The following TRIM36 variants were observed in gnomAD, a reference collection of about 807,000 sequenced individuals.
TRIM36 encodes the protein E3 ubiquitin-protein ligase TRIM36.
Under a neutral mutation model 72.4 loss-of-function variants are expected in TRIM36, and 42 were observed. That is an observed-to-expected ratio of 0.58 (90% CI 0.45 to 0.75). The LOEUF is 0.75. TRIM36 is among the 30% of genes least tolerant of loss of function. The pLI is 0.00. For missense variants in TRIM36, 913 were observed against 857.1 expected (o/e 1.07, Z -0.81); for synonymous variants, 315 against 282.8 (o/e 1.11, Z -1.14).
chr5:115,138,163 G>A lies in TRIM36; in HGVS notation c.832-547C>T, dbSNP rs1407356384. On this transcript the variant is annotated intron_variant, in intron 5 of 9. Coordinates refer to ENST00000513154, the MANE Select transcript of TRIM36 (RefSeq NM_001300759.2). ...CGCACAGACTGGAGTGCAGTGGTGC[G>A]ATCTTGGCTCACTGTAACCTCCGCC... is the stretch of plus-strand genomic sequence containing the variant. Among the ~76,000 whole-genome samples the A allele has an allele frequency of 3.9e-5, 6 of 152,126 alleles. No homozygotes were observed. In the East Asian group the frequency reaches 9.6e-4, roughly 24 times the overall value.
intron 2 of TRIM36, among the ~76,000 whole-genome samples, chr5:115,157,146 T>TAAA (rs757876573): frequency 2.4e-5 from 3 of 126,732 alleles, no homozygotes; most frequent in South Asian, 2.5e-4. Flanking sequence ...ATGGCCATAA[T>TAAA]AAAAAAAAAA....
rs1753027004 is a variant in TRIM36, at chr5:115,137,509, C to T, written c.939G>A (p.Lys313=). The T allele has an allele frequency of 6.2e-7, 1 of 1,613,984 alleles. No individual in the cohort carries two copies. Among genetic ancestry groups the T allele is most frequent in the South Asian group, 1.1e-5 (1 of 91,090 alleles). The change falls in exon 6 of 10, where the codon AAG becomes AAA. Residue 313 remains lysine (K), a synonymous_variant. Transcript: ENST00000513154. The stretch of plus-strand genomic sequence containing the variant: ...TCTGAAATTTGTCTAATCTTAGTTT[C>T]TTAGAGGAGTCAATTGCTTTCAAAA... ...SSVLKAIDSS[K]KLRLDKFQTQ...
intron 6 of TRIM36, 68 bp from the exon 7 acceptor site, chr5:115,137,192 T>C (rs376954541): frequency 8.7e-6 from 13 of 1,501,214 alleles, no homozygotes; most frequent in African/African-American, 8.5e-5. Context: ...ATCTGCAACA[T>C]GATTAACAAA....
chr5:115,147,086 T>C lies in TRIM36; in HGVS notation c.571A>G (p.Thr191Ala), dbSNP rs1457487142. The C allele has an allele frequency of 3.1e-6, 5 of 1,612,396 alleles. No homozygotes were observed. Among genetic ancestry groups the C allele is most frequent in the South Asian group, 1.1e-5 (1 of 90,948 alleles). The change falls in exon 3 of 10, where the codon ACT (threonine) becomes GCT (alanine). Residue 191 changes from threonine to alanine, a missense_variant. Physicochemically the swap from Thr to Ala is moderately conservative, Grantham distance 58. Transcript: ENST00000513154. The stretch of plus-strand genomic sequence containing the variant: ...TCACTTACCTTGGGTCTGAAGTTAG[T>C]AGTTGGACCAACATACTCATGTTGA... The part of the protein sequence containing the change: ...KAQHEYVGPT[T>A]NFRPKILMCP...
intron 8 of TRIM36, 87 bp downstream of exon 8, chr5:115,133,773 G>T: frequency 7.4e-7 from 1 of 1,355,830 alleles, no homozygotes; most frequent in South Asian, 1.6e-5. Flanking sequence ...TTCAGTGCAG[G>T]TCTACATGGA....
At chr5:115,173,806 A>G (rs1191488645), upstream of TRIM36, among the ~76,000 whole-genome samples, 1 of 152,158 alleles carries the variant, frequency 6.6e-6, no homozygotes, top group Admixed American at 6.5e-5. Flanking sequence ...AGTTTATTTT[A>G]AAATCTGGGT....
chr5:115,177,612 A>T, intron 1 of TRIM36: 1 of 1,503,262 alleles, frequency 6.7e-7, no homozygotes, highest in Non-Finnish European at 8.9e-7. Context: ...TAAATGGGCT[A>T]GTGCTGGGGC....
rs1561454513 is a variant in TRIM36, at chr5:115,177,885, GAGAC to G, written c.63+2086_63+2089del. ...CCATTGCTGAAGCCTAGTGAAGAGA[GAGAC>G]AGAGAGAGAGAGAGCAGAGAAATCC... On this transcript the variant is annotated intron_variant, in intron 1 of 9. Coordinates refer to the TRIM36 transcript ENST00000282369. 3 of 1,613,470 alleles carry G rather than the reference GAGAC, an allele frequency of 1.9e-6. No homozygotes were observed. In the South Asian group the frequency reaches 3.3e-5, roughly 18 times the overall value.
In TRIM36 at chr5:115,125,659, T is replaced by C. The variant is rs1752331578; in HGVS notation, c.*844A>G. 1 of 152,112 alleles carries C rather than the reference T, an allele frequency of 6.6e-6. No homozygotes were observed. The highest frequency in any genetic ancestry group is 1.5e-5 in the Non-Finnish European group (1 of 67,966). 9.4% of individuals were successfully genotyped at this position (152,112 alleles called of 1,614,324 possible). A position where few individuals can be genotyped will look rare whatever the true frequency, so the allele number is the denominator to read the frequency against. ...AAATATGACTTTTAATATCAGTCCA[T>C]CTTTACCAATATATCTGAAAAATAA... On this transcript the variant is annotated 3_prime_UTR_variant, in exon 10 of 10. Transcript: ENST00000513154.
In TRIM36 at chr5:115,137,432, T is replaced by C; in HGVS notation, c.1016A>G (p.Tyr339Cys). The change falls in exon 6 of 10, where the codon TAT becomes TGT. Residue 339 changes from tyrosine (Y) to cysteine (C), a missense_variant. By Grantham distance (194) the Tyr-to-Cys change is radical. Coordinates refer to ENST00000513154, the MANE Select transcript of TRIM36 (RefSeq NM_001300759.2). ...GLLENNGLVGYAQEVLKETDQ... is the reference protein window; with the variant it reads ...GLLENNGLVGCAQEVLKETDQ... ...TGTCTCCTTTAGCACTTCTTGAGCA[T>C]ATCCCACAAGTCCATTGTTCTCTAG... 2 of 1,614,162 alleles carry C rather than the reference T, an allele frequency of 1.2e-6. No homozygotes were observed. The highest frequency in any genetic ancestry group is 8.5e-7 in the Non-Finnish European group (1 of 1,180,014).
chr5:115,139,194 C>T (rs1304999559), intron 5 of TRIM36, among the ~76,000 whole-genome samples: 5 of 150,508 alleles, frequency 3.3e-5, no homozygotes, highest in African/African-American at 9.8e-5. Context: ...GATCTTGGCT[C>T]ACTGCAACCT....
At chr5:115,173,494 T>TG (rs1755205289), upstream of TRIM36, among the ~76,000 whole-genome samples, 1 of 146,632 alleles carries the variant, frequency 6.8e-6, no homozygotes, top group African/African-American at 2.6e-5. Flanking sequence ...CATAAGGGGG[T>TG]GGGGGGTGTG....
intron 7 of TRIM36, 144 bp from the exon 8 acceptor site, chr5:115,134,291 G>A: frequency 2.0e-6 from 1 of 503,408 alleles, no homozygotes; most frequent in Non-Finnish European, 3.0e-6. Context: ...TATATAGAAA[G>A]CACAAAAATT....
At chr5:115,128,829 A>T (rs1382747572) in intron 9 of TRIM36, among the ~76,000 whole-genome samples, 1 of 151,060 alleles carries the variant, frequency 6.6e-6, no homozygotes, top group Non-Finnish European at 1.5e-5. Context: ...TTAAAGAAGA[A>T]TACATTTAAA....
chr5:115,179,740 C>T (rs932326410), intron 1 of TRIM36, among the ~76,000 whole-genome samples: 1 of 152,252 alleles, frequency 6.6e-6, no homozygotes, highest in Admixed American at 6.5e-5. Flanking sequence ...CCAGCTGGCC[C>T]CAAAAGCGTC....
intron 1 of TRIM36, among the ~76,000 whole-genome samples, chr5:115,178,785 T>C (rs1322344740): frequency 6.6e-6 from 1 of 152,204 alleles, no homozygotes; most frequent in Non-Finnish European, 1.5e-5. Context: ...TTCTGATGAA[T>C]GTATTCAGTG....
intron 4 of TRIM36, among the ~76,000 whole-genome samples, chr5:115,143,467 G>A (rs769759543): frequency 6.6e-6 from 1 of 151,808 alleles, no homozygotes; most frequent in Non-Finnish European, 1.5e-5. Context: ...TACCAGGCAT[G>A]CAAGGTAGCA....
intron 7 of TRIM36, 81 bp downstream of exon 7, chr5:115,136,919 A>G: frequency 1.5e-6 from 2 of 1,375,610 alleles, no homozygotes; most frequent in South Asian, 3.7e-5. Context: ...ATAATGTCAA[A>G]TTTAAGAGAA....
intron 2 of TRIM36, among the ~76,000 whole-genome samples, chr5:115,163,027 G>A (rs936079959): frequency 2.0e-5 from 3 of 150,340 alleles, no homozygotes; most frequent in Admixed American, 6.6e-5. Flanking sequence ...GCGCGATCTC[G>A]GCTCACTGCA....
Sources: gnomAD v4.1 joint callset for allele counts (sites outside exome capture counted in the v4.1 genomes callset) on GRCh38, gnomAD v4.1.1 for gene constraint, MANE v1.5 for transcripts, NCBI Gene and HGNC (gene_info 2026-07-23, HGNC 2026-07-21) for gene names.